GLYATL2: variants seen among roughly 807,000 people sequenced by gnomAD.
GLYATL2 encodes the protein glycine N-acyltransferase-like protein 2.
GLYATL2 carries 25 observed loss-of-function variants against 21.4 expected under a neutral mutation model. The ratio of observed to expected loss-of-function variants is 1.17; its 90% CI spans 0.85 to 1.63. The LOEUF (loss-of-function observed/expected upper bound fraction) is 1.63. GLYATL2 is among the 40% of genes most tolerant of loss of function. The probability of loss-of-function intolerance (pLI) is 0.00; values close to 1 mark genes in which losing one functional copy is unlikely to be tolerated. For missense variants in GLYATL2, 361 were observed against 343.3 expected, an observed-to-expected ratio of 1.05 and a Z score of -0.41; for synonymous variants, 114 against 118.2, an observed-to-expected ratio of 0.96 and a Z score of 0.23.
At chr11:58,885,676 G>C (rs1473948299) in intron 1 of GLYATL2, 1 of 241,604 alleles carries the variant, frequency 4.1e-6, no homozygotes, top group East Asian at 9.5e-5. Flanking sequence ...TCAGTACTTG[G>C]CACCTTGCAT....
At chr11:58,862,675 T>G (rs890033201) in intron 1 of GLYATL2, among the ~76,000 whole-genome samples, 1 of 152,214 alleles carries the variant, frequency 6.6e-6, no homozygotes, top group African/African-American at 2.4e-5. Context: ...TTGTTGAACT[T>G]TCTATTTTGT....
In GLYATL2 at chr11:58,834,460, T is replaced by G. The variant is rs745698107; in HGVS notation, c.854A>C (p.Gln285Pro). 1 of 1,603,066 alleles carries G rather than the reference T, an allele frequency of 6.2e-7. No individual in the cohort carries two copies. Among genetic ancestry groups the G allele is most frequent in the Non-Finnish European group, 8.5e-7 (1 of 1,174,966 alleles). The change falls in exon 6 of 6, where the codon CAG (glutamine) becomes CCG (proline). Residue 285 changes from glutamine (Q) to proline (P), a missense_variant. Gln to Pro is a moderately conservative substitution (Grantham distance 76). Transcript: ENST00000287275. ...GFKICPCGWH[Q>P]WKCTPKKYC Reference sequence around the variant, plus strand: ...ATATTTCTTGGGGGTGCATTTCCACTGATGCCAGCCACAAGGACAAATCTT... The same window carrying G: ...ATATTTCTTGGGGGTGCATTTCCACGGATGCCAGCCACAAGGACAAATCTT...
intron 1 of GLYATL2, among the ~76,000 whole-genome samples, chr11:58,882,363 G>A (rs961615061): frequency 6.6e-6 from 1 of 152,154 alleles, no homozygotes; most frequent in Non-Finnish European, 1.5e-5. Context: ...GTGTCTGTTG[G>A]CTGCATAAAT....
At chr11:58,849,656 T>C (rs1157914134), upstream of GLYATL2, among the ~76,000 whole-genome samples, 2 of 152,086 alleles carry the variant, frequency 1.3e-5, no homozygotes, top group Admixed American at 1.3e-4. Context: ...TTCTGAAAAA[T>C]GCAGGAGAAG....
intron 1 of GLYATL2, among the ~76,000 whole-genome samples, chr11:58,862,684 G>T (rs1297830980): frequency 2.0e-5 from 3 of 151,946 alleles, no homozygotes; most frequent in Admixed American, 6.6e-5. Context: ...TTTCTATTTT[G>T]TTCATGTATT....
At chr11:58,897,060 T>C (rs1854647908) in intron 1 of GLYATL2, among the ~76,000 whole-genome samples, 1 of 152,194 alleles carries the variant, frequency 6.6e-6, no homozygotes, top group African/African-American at 2.4e-5. Context: ...AGTCTTGGGA[T>C]TTGCATATGA....
At chr11:58,864,234 T>C (rs1462548988) in intron 1 of GLYATL2, among the ~76,000 whole-genome samples, 1 of 152,164 alleles carries the variant, frequency 6.6e-6, no homozygotes, top group African/African-American at 2.4e-5. Context: ...AGCCTTGTTC[T>C]GGGGCTGGTC....
chr11:58,834,517 T>C lies in GLYATL2; in HGVS notation c.797A>G (p.Lys266Arg). ...CAAATTGTTCAGTGCCTGTAGGCTT[T>C]TCTCATTATTATCTGCCACATGGAA... is the stretch of plus-strand genomic sequence containing the variant. ...FYFHVADNNE[K>R]SLQALNNLGF... The change falls in exon 6 of 6, where the codon AAA becomes AGA. Residue 266 changes from lysine (K) to arginine (R), a missense_variant. By Grantham distance (26) the Lys-to-Arg change is conservative. Transcript: ENST00000287275. 4 of 1,613,838 alleles carry C rather than the reference T, an allele frequency of 2.5e-6. No homozygotes were observed. The highest frequency in any genetic ancestry group is 3.4e-6 in the Non-Finnish European group (4 of 1,179,760).
At chr11:58,900,390 G>GA (rs1854715650) in intron 1 of GLYATL2, among the ~76,000 whole-genome samples, 1 of 152,116 alleles carries the variant, frequency 6.6e-6, no homozygotes, top group South Asian at 2.1e-4. Context: ...AGACGATTGC[G>GA]AAAAAACCTA....
intron 1 of GLYATL2, among the ~76,000 whole-genome samples, chr11:58,842,655 T>C (rs1395268675): frequency 6.6e-6 from 1 of 152,122 alleles, no homozygotes; most frequent in Non-Finnish European, 1.5e-5. Context: ...AATGAATGAA[T>C]GAATGAAACA....
In GLYATL2 at chr11:58,837,138, G is replaced by A; in HGVS notation, c.353C>T (p.Ala118Val). ...ATCTACCTGCACTGATTTTGAAGTT[G>A]CAACCTTTCTTATTGCTTCATCCAA... ...EGLDEAIRKV[A>V]TSKSVQVDYM... is the part of the protein sequence containing the mutation. Residue 118 changes from alanine to valine, a missense_variant, in exon 5 of 6, where the codon GCA (alanine) becomes GTA (valine). Transcript: ENST00000287275. 6.2e-7 allele frequency: 1 copy of A among 1,613,958 alleles called. No homozygotes were observed. The highest frequency in any genetic ancestry group is 1.7e-5 in the Admixed American group (1 of 60,004).
intron 1 of GLYATL2, among the ~76,000 whole-genome samples, chr11:58,873,601 T>C (rs1274421170): frequency 6.6e-6 from 1 of 152,162 alleles, no homozygotes; most frequent in Non-Finnish European, 1.5e-5. Context: ...TTGATTTGAG[T>C]ATGTTGAACC....
chr11:58,875,206 T>C (rs1163653622), intron 1 of GLYATL2, among the ~76,000 whole-genome samples: 1 of 152,220 alleles, frequency 6.6e-6, no homozygotes, highest in Non-Finnish European at 1.5e-5. Context: ...ATGGGTTTCC[T>C]GAATACAGCA....
At chr11:58,837,463 C>T in intron 3 of GLYATL2, 66 bp from the exon 4 acceptor site, 2 of 1,383,036 alleles carry the variant, frequency 1.4e-6, no homozygotes, top group South Asian at 1.2e-5. Flanking sequence ...TTGCATAGGT[C>T]TAGAGTGCTA....
upstream of GLYATL2, among the ~76,000 whole-genome samples, chr11:58,906,001 A>G (rs1854869194): frequency 6.6e-6 from 1 of 152,232 alleles, no homozygotes; most frequent in South Asian, 2.1e-4. Context: ...CTGCTCTTCC[A>G]GGCGGGAAAA....
chr11:58,846,506 A>C (rs1943284), upstream of GLYATL2, among the ~76,000 whole-genome samples: 3,935 of 150,784 alleles, frequency 0.026, 193 homozygotes, highest in African/African-American at 0.091. Context: ...GGTGCACAGT[A>C]TATCTCTGGG....
upstream of GLYATL2, among the ~76,000 whole-genome samples, chr11:58,847,354 C>A (rs1379798357): frequency 6.6e-6 from 1 of 152,186 alleles, no homozygotes; most frequent in Non-Finnish European, 1.5e-5. Flanking sequence ...ACCTTAGGTG[C>A]CAGCACAGCC....
chr11:58,836,095 T>C (rs1853426178), intron 5 of GLYATL2, among the ~76,000 whole-genome samples: 1 of 152,224 alleles, frequency 6.6e-6, no homozygotes, highest in Non-Finnish European at 1.5e-5. Flanking sequence ...CCAGTTACTT[T>C]GTCTAGAAGC....
At chr11:58,838,169 T>A in intron 3 of GLYATL2, 92 bp downstream of exon 3, 1 of 802,158 alleles carries the variant, frequency 1.2e-6, no homozygotes. Flanking sequence ...GTCAATGTTC[T>A]TCTCACCACT....
Sources: gnomAD v4.1 joint callset for allele counts (sites outside exome capture counted in the v4.1 genomes callset) on GRCh38, gnomAD v4.1.1 for gene constraint, MANE v1.5 for transcripts, NCBI Gene and HGNC (gene_info 2026-07-23, HGNC 2026-07-21) for gene names.